Variants in NELL1 observed in about 807,000 individuals in gnomAD.
NELL1 encodes the protein neural EGFL like 1.
Under a neutral mutation model 107.4 loss-of-function variants are expected in NELL1, and 76 were observed. That is an observed-to-expected ratio of 0.71 (90% CI 0.59 to 0.86). NELL1 has a LOEUF of 0.86. Among genes scored for constraint, NELL1 ranks in the 40% least tolerant of loss-of-function variants. NELL1 has a pLI of 0.00. For synonymous variants in NELL1, 353 were observed against 341.2 expected, an observed-to-expected ratio of 1.03 and a Z score of -0.38; for missense variants, 1,024 against 1,005.5, an observed-to-expected ratio of 1.02 and a Z score of -0.25.
chr11:21,138,513 G>T (rs1233547154), intron 13 of NELL1, among the ~76,000 whole-genome samples: 1 of 152,130 alleles, frequency 6.6e-6, no homozygotes, highest in African/African-American at 2.4e-5. Flanking sequence ...TGGGTGCAGA[G>T]CCTGTTGTGA....
At chr11:21,170,650 C>T (rs1856584665) in intron 13 of NELL1, among the ~76,000 whole-genome samples, 1 of 149,132 alleles carries the variant, frequency 6.7e-6, no homozygotes, top group Admixed American at 6.7e-5. Flanking sequence ...ATGTGTCTTT[C>T]CAGTATATAT....
chr11:21,382,615 T>C (rs1851639588), intron 15 of NELL1, among the ~76,000 whole-genome samples: 1 of 151,874 alleles, frequency 6.6e-6, no homozygotes, highest in Non-Finnish European at 1.5e-5. Flanking sequence ...AAGAATAGAA[T>C]AGAAATTTTG....
intron 10 of NELL1, among the ~76,000 whole-genome samples, chr11:20,940,136 T>C (rs921615517): frequency 6.6e-6 from 1 of 152,110 alleles, no homozygotes; most frequent in African/African-American, 2.4e-5. Flanking sequence ...CTTCTCTCTG[T>C]GTCTCTGTCT....
chr11:21,507,783 TTTTC>T (rs1355906676), intron 15 of NELL1, among the ~76,000 whole-genome samples: 3 of 141,432 alleles, frequency 2.1e-5, no homozygotes, highest in Non-Finnish European at 4.6e-5. Flanking sequence ...TTTTCTTTTC[TTTTC>T]TTTTTTTTTT....
At chr11:21,273,427 T>C (rs974322474) in intron 14 of NELL1, among the ~76,000 whole-genome samples, 9 of 152,222 alleles carry the variant, frequency 5.9e-5, no homozygotes, top group African/African-American at 2.2e-4. Flanking sequence ...CTACGTCTGA[T>C]TGGTGTATCT....
At chr11:21,096,407 T>G (rs1310971736) in intron 12 of NELL1, among the ~76,000 whole-genome samples, 1 of 152,220 alleles carries the variant, frequency 6.6e-6, no homozygotes. Context: ...AGGTTGTATT[T>G]TCTCCCAGAA....
intron 2 of NELL1, among the ~76,000 whole-genome samples, chr11:20,687,812 C>T (rs1051632910): frequency 6.6e-6 from 1 of 151,942 alleles, no homozygotes; most frequent in Admixed American, 6.6e-5. Context: ...AGGCTGGTCT[C>T]GAACTCCTGA....
At chr11:21,281,690 CAGAG>C (rs372695702) in intron 14 of NELL1, among the ~76,000 whole-genome samples, 1 of 151,338 alleles carries the variant, frequency 6.6e-6, no homozygotes, top group African/African-American at 2.4e-5. Flanking sequence ...CCCCCAGATC[CAGAG>C]AGAGAGAGAG....
At position 21,172,338 on chromosome 11, in the gene NELL1, G is replaced by T. The variant is rs913787271; in HGVS notation, c.1427-56994G>T. Among the ~76,000 whole-genome samples the T allele has an allele frequency of 2.0e-5, 3 of 151,802 alleles. No homozygotes were observed. The East Asian group carries it at 5.8e-4, about 29-fold the overall frequency. On this transcript the variant is annotated intron_variant, in intron 13 of 19. Transcript: ENST00000357134. ...CAGAGTGGTTTTCTCTATGATTTCT[G>T]GCTTCGTGTATCAGCCTGTGGGTTG... is the stretch of plus-strand genomic sequence containing the variant.
At chr11:20,970,080 C>CATCCATCCATCCATCCATCT (rs1554952009) in intron 12 of NELL1, among the ~76,000 whole-genome samples, 16,356 of 151,356 alleles carry the variant, frequency 0.11, 1,061 homozygotes, top group East Asian at 0.21. Context: ...TCCATCCATC[C>CATCCATCCATCCATCCATCT]ATCCATCCAT....
At chr11:21,122,737 T>C (rs1196556992) in intron 13 of NELL1, among the ~76,000 whole-genome samples, 1 of 152,140 alleles carries the variant, frequency 6.6e-6, no homozygotes, top group Non-Finnish European at 1.5e-5. Context: ...CTGTACATCC[T>C]CACAGAGTTG....
At chr11:20,730,564 T>A (rs1855615502) in intron 2 of NELL1, among the ~76,000 whole-genome samples, 1 of 152,180 alleles carries the variant, frequency 6.6e-6, no homozygotes, top group African/African-American at 2.4e-5. Flanking sequence ...GCTTGGCTCA[T>A]CTTGCTATGG....
At chr11:20,811,246 G>C (rs900037067) in intron 3 of NELL1, among the ~76,000 whole-genome samples, 1 of 152,250 alleles carries the variant, frequency 6.6e-6, no homozygotes, top group East Asian at 1.9e-4. Context: ...TGAAGAGACT[G>C]TCCTGTCTCC....
chr11:21,351,103 A>G (rs1424552227), intron 14 of NELL1, among the ~76,000 whole-genome samples: 1 of 152,162 alleles, frequency 6.6e-6, no homozygotes, highest in East Asian at 1.9e-4. Flanking sequence ...GGAAAGTCAC[A>G]TAAAGATGAA....
rs769904883 is a variant in NELL1 at position 21,534,433 on chromosome 11, C to G, written c.1705C>G (p.Leu569Val). The G allele has an allele frequency of 6.2e-7, 1 of 1,613,874 alleles. No homozygotes were observed. Among genetic ancestry groups the G allele is most frequent in the East Asian group, 2.2e-5 (1 of 44,834 alleles). ...CCACAACCATTCCCGCTGCGTTAAC[C>G]TGCCAGGGTGGTACCACTGTGAGTG... ...ECHNHSRCVN[L>V]PGWYHCECRS... is the part of the protein sequence containing the mutation. Residue 569 changes from leucine to valine, a missense_variant, in exon 16 of 20, where the codon CTG becomes GTG. Physicochemically the swap from Leu to Val is conservative, Grantham distance 32. Transcript: ENST00000357134.
chr11:20,800,922 G>A (rs1857269133), intron 3 of NELL1, among the ~76,000 whole-genome samples: 1 of 152,134 alleles, frequency 6.6e-6, no homozygotes, highest in African/African-American at 2.4e-5. Flanking sequence ...CCTTGGTTGT[G>A]ATGGCTTCCA....
At chr11:21,063,271 A>T (rs548880415) in intron 12 of NELL1, among the ~76,000 whole-genome samples, 1 of 152,158 alleles carries the variant, frequency 6.6e-6, no homozygotes, top group Non-Finnish European at 1.5e-5. Context: ...ATCAGGGCGC[A>T]TCAACCTCCT....
intron 14 of NELL1, among the ~76,000 whole-genome samples, chr11:21,309,236 A>G: frequency 7.1e-6 from 1 of 141,518 alleles, no homozygotes; most frequent in Admixed American, 7.6e-5. Flanking sequence ...GCCTATTAAA[A>G]AAACCCACTC....
intron 15 of NELL1, among the ~76,000 whole-genome samples, chr11:21,427,442 G>C (rs1590924890): frequency 6.6e-6 from 1 of 152,322 alleles, no homozygotes; most frequent in South Asian, 2.1e-4. Context: ...CTTCAACTTT[G>C]AAAACTTGGG....
Sources: gnomAD v4.1 joint callset for allele counts (sites outside exome capture counted in the v4.1 genomes callset) on GRCh38, gnomAD v4.1.1 for gene constraint, MANE v1.5 for transcripts, NCBI Gene and HGNC (gene_info 2026-07-23, HGNC 2026-07-21) for gene names.